The following SLC28A1 variants were observed in gnomAD, a reference collection of about 807,000 sequenced individuals.
SLC28A1 encodes the protein solute carrier family 28 member 1, also known as sodium/nucleoside cotransporter 1.
Under a neutral mutation model 74.8 loss-of-function variants are expected in SLC28A1, and 64 were observed. The observed-to-expected ratio is 0.86, with a 90% confidence interval of 0.70 to 1.05. The LOEUF is 1.05. SLC28A1 is among the 50% of genes least tolerant of loss of function. The pLI is 0.00. For missense variants in SLC28A1, 828 were observed against 822.8 expected (o/e 1.01, Z -0.08); for synonymous variants, 359 against 335.0 (o/e 1.07, Z -0.78).
intron 6 of SLC28A1, among the ~76,000 whole-genome samples, chr15:84,898,555 G>C (rs544704186): frequency 2.0e-5 from 3 of 148,486 alleles, no homozygotes; most frequent in South Asian, 2.2e-4. Flanking sequence ...CTCCAGCCTG[G>C]GCGACAGAGC....
chr15:84,894,043 T>TC (rs1965665214), intron 5 of SLC28A1, among the ~76,000 whole-genome samples: 1 of 152,176 alleles, frequency 6.6e-6, no homozygotes, highest in African/African-American at 2.4e-5. Context: ...ATGAGTCCTT[T>TC]CCATTCTTCG....
At chr15:84,916,865 T>C (rs867404838) in intron 9 of SLC28A1, among the ~76,000 whole-genome samples, 4 of 151,686 alleles carry the variant, frequency 2.6e-5, no homozygotes, top group African/African-American at 9.7e-5. Flanking sequence ...TTGTCTCTAC[T>C]AAAAATACAA....
At chr15:84,906,579 TTCCTTCCTTC>T (rs1567140874) in intron 8 of SLC28A1, among the ~76,000 whole-genome samples, 15 of 49,050 alleles carry the variant, frequency 3.1e-4, no homozygotes, top group African/African-American at 1.0e-3. Context: ...TCTTTCTTCC[TTCCTTCCTTC>T]CTTCCTTCCT....
chr15:84,908,115 A>G (rs1423782608), intron 8 of SLC28A1, among the ~76,000 whole-genome samples: 1 of 150,264 alleles, frequency 6.7e-6, no homozygotes, highest in Non-Finnish European at 1.5e-5. Context: ...CCTTCTTCAC[A>G]TGTCTCATGG....
At position 84,889,751 on chromosome 15, in the gene SLC28A1, TCCTTCCTTCCTTC is replaced by T. The variant is rs1965127722; in HGVS notation, c.186-690_186-678del. 1.2e-4 allele frequency among the ~76,000 whole-genome samples: 11 copies of T among 90,886 alleles called. No homozygotes were observed. In the Admixed American group the frequency reaches 1.4e-3, roughly 12 times the overall value. 59.6% of individuals were successfully genotyped at this position (90,886 alleles called of 152,430 possible). A position where few individuals can be genotyped will look rare whatever the true frequency, so the allele number is the denominator to read the frequency against. On this transcript the variant is annotated intron_variant, in intron 4 of 18. Transcript: ENST00000394573. ...TTCCTTCCTTCCTTCCTTCCTTCCT[TCCTTCCTTCCTTC>T]CTTTTCTTTCTCTCTTCCTTCCTTC...
Position 84,905,584 on chromosome 15 carries a change from C to T in SLC28A1, c.649C>T (p.Leu217Phe). 6.2e-7 allele frequency: 1 copy of T among 1,614,120 alleles called. No homozygotes were observed. Among genetic ancestry groups the T allele is most frequent in the Non-Finnish European group, 8.5e-7 (1 of 1,179,956 alleles). The change falls in exon 8 of 19, where the codon CTT becomes TTT. Residue 217 changes from leucine to phenylalanine, a missense_variant. Leu to Phe is a conservative substitution (Grantham distance 22). Transcript: ENST00000394573. Reference sequence around the variant, plus strand: ...TTGGGGACTTGGACTGCAGTTTGTACTTGGACTCCTCGTCATCAGAACAGA... The same window carrying T: ...TTGGGGACTTGGACTGCAGTTTGTATTTGGACTCCTCGTCATCAGAACAGA... ...VSWGLGLQFV[L>F]GLLVIRTEPG...
chr15:84,929,543 C>CAA (rs58184497), intron 12 of SLC28A1, among the ~76,000 whole-genome samples: 18 of 144,642 alleles, frequency 1.2e-4, no homozygotes, highest in African/African-American at 4.6e-4. Context: ...GACTCTGTTT[C>CAA]AAAAAAAAAA....
At chr15:84,885,778 G>T (rs1964531178) in intron 1 of SLC28A1, among the ~76,000 whole-genome samples, 1 of 151,340 alleles carries the variant, frequency 6.6e-6, no homozygotes, top group Admixed American at 6.6e-5. Context: ...ACTCAATAGT[G>T]GTCATCCCTG....
chr15:84,917,222 C>T (rs774987260), intron 9 of SLC28A1, among the ~76,000 whole-genome samples: 2 of 152,142 alleles, frequency 1.3e-5, no homozygotes, highest in Non-Finnish European at 2.9e-5. Flanking sequence ...CATGCTATTA[C>T]CAGTTCTACA....
intron 11 of SLC28A1, among the ~76,000 whole-genome samples, chr15:84,923,603 C>G (rs1970122437): frequency 1.3e-5 from 2 of 152,200 alleles, no homozygotes; most frequent in Non-Finnish European, 2.9e-5. Context: ...GCAGCAGGAC[C>G]TGCTTCACAT....
intron 8 of SLC28A1, 145 bp from the exon 9 acceptor site, chr15:84,908,573 C>T: frequency 1.4e-6 from 1 of 711,956 alleles, no homozygotes. Flanking sequence ...CTTTAACGCA[C>T]CTTGCCAGGT....
At chr15:84,892,263 G>A (rs1359927433) in intron 5 of SLC28A1, among the ~76,000 whole-genome samples, 1 of 152,158 alleles carries the variant, frequency 6.6e-6, no homozygotes, top group Non-Finnish European at 1.5e-5. Context: ...CATTATAGGT[G>A]CTCTGGAGGG....
At chr15:84,951,285 A>G in the SLC28A1 span, among the ~76,000 whole-genome samples, 18 of 151,974 alleles carry the variant, frequency 1.2e-4, no homozygotes, top group African/African-American at 4.3e-4. Context: ...CCTTCGAGAA[A>G]AATTAGCTGG....
intron 5 of SLC28A1, among the ~76,000 whole-genome samples, chr15:84,893,323 C>T (rs1381562156): frequency 2.0e-5 from 3 of 152,156 alleles, no homozygotes; most frequent in Non-Finnish European, 4.4e-5. Context: ...GGCCAGGTCC[C>T]CCTCCCCTGA....
At chr15:84,889,571 A>G (rs1197678464) in intron 4 of SLC28A1, among the ~76,000 whole-genome samples, 1 of 151,520 alleles carries the variant, frequency 6.6e-6, no homozygotes, top group East Asian at 2.0e-4. Flanking sequence ...CGTCTACTCA[A>G]TGTGTGTCCC....
chr15:84,943,496 A>T lies in SLC28A1; in HGVS notation c.1633A>T (p.Ser545Cys). The T allele has an allele frequency of 6.2e-7, 1 of 1,614,094 alleles. No homozygotes were observed. The change falls in exon 16 of 19, where the codon AGC becomes TGC. Residue 545 changes from serine (S) to cysteine (C), a missense_variant. This residue lies in a region of SLC28A1 where 767 missense variants were observed against 753.5 expected (regional missense o/e 1.02). Coordinates refer to ENST00000394573, the MANE Select transcript of SLC28A1 (RefSeq NM_004213.5). Reference sequence around the variant, plus strand: ...TGCCCTCTGTGGATTTGCCAATTTCAGCTCCATTGGGATCATGCTGGGAGG... The same window carrying T: ...TGCCCTCTGTGGATTTGCCAATTTCTGCTCCATTGGGATCATGCTGGGAGG... Reference protein sequence around the residue: ...TFALCGFANFSSIGIMLGGLT... With the variant: ...TFALCGFANFCSIGIMLGGLT...
At chr15:84,893,805 C>CCTCTCTCTGCATTCCA (rs1054510810) in intron 5 of SLC28A1, among the ~76,000 whole-genome samples, 1 of 152,198 alleles carries the variant, frequency 6.6e-6, no homozygotes, top group African/African-American at 2.4e-5. Context: ...ACGCACCACA[C>CCTCTCTCTGCATTCCA]GGGCATTCCT....
the SLC28A1 span, among the ~76,000 whole-genome samples, chr15:84,954,087 T>A: frequency 6.6e-6 from 1 of 152,228 alleles, no homozygotes; most frequent in Non-Finnish European, 1.5e-5. Context: ...ATATATTAGC[T>A]TGTTTTCCTG....
At chr15:84,943,163 G>A (rs917576097) in intron 15 of SLC28A1, among the ~76,000 whole-genome samples, 1 of 152,158 alleles carries the variant, frequency 6.6e-6, no homozygotes, top group South Asian at 2.1e-4. Flanking sequence ...TCCAGCCTGG[G>A]TGACAAGAGT....
Sources: allele counts gnomAD v4.1 joint callset (sites outside exome capture counted in the v4.1 genomes callset), GRCh38; gene constraint gnomAD v4.1.1; regional missense constraint gnomAD v4.1.1; transcripts MANE v1.5; gene names NCBI Gene and HGNC (gene_info 2026-07-23, HGNC 2026-07-21).